Variants in RBFOX1 observed in about 807,000 individuals in gnomAD.
RBFOX1 encodes RNA binding protein fox-1 homolog 1.
Under a neutral mutation model 57.7 loss-of-function variants are expected in RBFOX1, and 8 were observed. The observed-to-expected ratio is 0.14, with a 90% CI of 0.08 to 0.25. RBFOX1 has a LOEUF of 0.25. Among genes scored for constraint, RBFOX1 ranks in the 10% least tolerant of loss-of-function variants. The pLI is 1.00. For synonymous variants in RBFOX1, 326 were observed against 222.4 expected (o/e 1.47, Z -4.15); for missense variants, 611 against 548.5 (o/e 1.11, Z -1.14).
chr16:7,071,579 G>T (rs2057341915), intron 4 of RBFOX1, among the ~76,000 whole-genome samples: 1 of 125,052 alleles, frequency 8.0e-6, no homozygotes, highest in South Asian at 3.2e-4. Context: ...ACACTAATTT[G>T]CCCAGATATG....
intron 4 of RBFOX1, among the ~76,000 whole-genome samples, chr16:7,236,672 A>G (rs867272375): frequency 6.6e-6 from 1 of 152,190 alleles, no homozygotes; most frequent in Non-Finnish European, 1.5e-5. Context: ...TTGCAGAAGT[A>G]ATTTAGTAAC....
intron 4 of RBFOX1, among the ~76,000 whole-genome samples, chr16:7,416,881 A>G (rs777847010): frequency 6.6e-6 from 1 of 152,242 alleles, no homozygotes; most frequent in East Asian, 1.9e-4. Flanking sequence ...CCCGACAACA[A>G]CCCTCTGAAG....
chr16:6,914,457 T>C (rs1027053519), intron 3 of RBFOX1, among the ~76,000 whole-genome samples: 11 of 151,904 alleles, frequency 7.2e-5, no homozygotes, highest in Non-Finnish European at 1.5e-4. Flanking sequence ...TTTGCATTAA[T>C]AAGAACACAG....
intron 2 of RBFOX1, among the ~76,000 whole-genome samples, chr16:6,484,565 TAC>T: frequency 6.6e-6 from 1 of 152,290 alleles, no homozygotes; most frequent in African/African-American, 2.4e-5. Context: ...ATATATTATA[TAC>T]AGAGTGTCGA....
chr16:7,063,597 A>G (rs2055154462), intron 4 of RBFOX1, among the ~76,000 whole-genome samples: 1 of 152,192 alleles, frequency 6.6e-6, no homozygotes, highest in African/African-American at 2.4e-5. Context: ...TTTAGCTGGT[A>G]AAATGTTTTG....
At chr16:7,131,442 A>G (rs750819286) in intron 4 of RBFOX1, among the ~76,000 whole-genome samples, 12 of 144,644 alleles carry the variant, frequency 8.3e-5, no homozygotes, top group South Asian at 4.4e-4. Flanking sequence ...GCCACTTTAC[A>G]TCTCTTGCTT....
rs749551182 is a variant in RBFOX1, at chr16:5,831,135, C to T, written c.319-36168C>T. Among the ~76,000 whole-genome samples the T allele has an allele frequency of 1.9e-4, 29 of 152,238 alleles. 1 individual carries two copies. The highest frequency in any genetic ancestry group is 8.3e-4 in the South Asian group (4 of 4,826). ...TTTGATGTGGTTTGGATCTGCGTTC[C>T]GACCACATCTCATATTAAAATGTAA... On this transcript the variant is annotated intron_variant, in intron 3 of 19. Coordinates refer to the RBFOX1 transcript ENST00000641259.
intron 1 of RBFOX1, among the ~76,000 whole-genome samples, chr16:6,183,627 C>G (rs954203480): frequency 6.6e-6 from 1 of 151,974 alleles, no homozygotes; most frequent in Non-Finnish European, 1.5e-5. Flanking sequence ...TGTGCAGAAA[C>G]ATGGAGGTGG....
At chr16:6,899,494 A>G (rs1236854755) in intron 3 of RBFOX1, among the ~76,000 whole-genome samples, 1 of 152,198 alleles carries the variant, frequency 6.6e-6, no homozygotes, top group Admixed American at 6.5e-5. Context: ...TCATCTGCTT[A>G]CTATACCATC....
intron 3 of RBFOX1, among the ~76,000 whole-genome samples, chr16:6,676,749 C>T (rs1346940771): frequency 1.4e-5 from 2 of 141,832 alleles, no homozygotes; most frequent in African/African-American, 5.3e-5. Flanking sequence ...GATCAAGGGT[C>T]ACTGCAACCT....
At chr16:6,615,520 A>G (rs1010058210) in intron 2 of RBFOX1, among the ~76,000 whole-genome samples, 36 of 152,064 alleles carry the variant, frequency 2.4e-4, no homozygotes, top group African/African-American at 6.0e-4. Flanking sequence ...CAGTGAGCCA[A>G]GATCGCACCA....
At chr16:5,334,029 A>G (rs2064834328) in intron 1 of RBFOX1, among the ~76,000 whole-genome samples, 1 of 152,236 alleles carries the variant, frequency 6.6e-6, no homozygotes, top group African/African-American at 2.4e-5. Context: ...TTTGGTGAAT[A>G]AACCTGAGAG....
At chr16:5,955,340 A>G (rs150717770) in intron 4 of RBFOX1, among the ~76,000 whole-genome samples, 47,492 of 81,450 alleles carry the variant, frequency 0.58, 11,659 homozygotes, top group Admixed American at 0.61. Flanking sequence ...ATAAAATAAA[A>G]TAAAATAAAA....
intron 4 of RBFOX1, among the ~76,000 whole-genome samples, chr16:5,887,599 T>A (rs1191451017): frequency 1.3e-5 from 2 of 152,118 alleles, no homozygotes; most frequent in Non-Finnish European, 2.9e-5. Context: ...AGATGAGGTT[T>A]CACCAAGTTG....
rs147637930 is a variant in RBFOX1, at chr16:6,728,933, G to A, written c.-16+74283G>A. ...TATACATATGCATACATACGCACAC[G>A]TATATTTGTATACATACACACACTT... On this transcript the variant is annotated intron_variant, in intron 3 of 15. Coordinates refer to ENST00000550418, the MANE Select transcript of RBFOX1 (RefSeq NM_018723.4). 5.3e-3 allele frequency among the ~76,000 whole-genome samples: 808 copies of A among 152,132 alleles called. 5 individuals are homozygous for A. Among genetic ancestry groups the A allele is most frequent in the African/African-American group, 0.015 (619 of 41,528 alleles).
Position 6,019,260 on chromosome 16 carries a change from G to A in RBFOX1, c.-859G>A, listed in dbSNP as rs1567267742. On this transcript the variant is annotated 5_prime_UTR_variant, in exon 1 of 16. Transcript: ENST00000550418. This position sits in a 1 kb window ranked among gnomAD's most constrained non-coding sequence, Gnocchi z 4.2. ...ACACACCGCTCCCTCGATCACCCCA[G>A]CCCCCTTCCTGGTCTCCCGAGCGCG... The A allele has an allele frequency of 2.0e-6, 2 of 985,112 alleles. No homozygotes were observed. The highest frequency in any genetic ancestry group is 1.8e-5 in the African/African-American group (1 of 57,110). 61.0% of individuals were successfully genotyped at this position (985,112 alleles called of 1,614,324 possible).
intron 3 of RBFOX1, among the ~76,000 whole-genome samples, chr16:7,007,651 C>T (rs554179206): frequency 3.9e-5 from 6 of 152,116 alleles, no homozygotes; most frequent in Admixed American, 2.6e-4. Context: ...TCTACTCTTT[C>T]TTGTTTGGAA....
chr16:6,231,353 A>G (rs141568934), intron 1 of RBFOX1, among the ~76,000 whole-genome samples: 208 of 152,156 alleles, frequency 1.4e-3, no homozygotes, highest in African/African-American at 4.8e-3. Context: ...GTTTAAATTC[A>G]GTGATGAGAC....
chr16:7,518,401 T>C lies in RBFOX1; in HGVS notation c.270+12T>C. ...CTGGCACCGCCACAGTAAGTGGACG[T>C]GTTTGCTACGGGTGGGAGGTTATGG... On this transcript the variant is annotated intron_variant, in intron 5 of 15. Transcript: ENST00000550418. 6.2e-7 allele frequency: 1 copy of C among 1,602,024 alleles called. No individual in the cohort carries two copies. The highest frequency in any genetic ancestry group is 8.5e-7 in the Non-Finnish European group (1 of 1,171,966).
Sources: allele counts gnomAD v4.1 joint callset (sites outside exome capture counted in the v4.1 genomes callset), GRCh38; gene constraint gnomAD v4.1.1; non-coding constraint Gnocchi (gnomAD v3.1); transcripts MANE v1.5; gene names NCBI Gene and HGNC (gene_info 2026-07-23, HGNC 2026-07-21).